Variants in AS3MT observed in about 807,000 individuals in gnomAD.
AS3MT encodes the protein arsenite methyltransferase.
In AS3MT, 47 loss-of-function variants were observed where a neutral mutation model predicts 45.3. That is an observed-to-expected ratio of 1.04 (90% CI 0.82 to 1.32). The LOEUF is 1.32. Ranked by LOEUF, AS3MT falls within the 40% of genes most tolerant of loss-of-function variation. The pLI, the probability that AS3MT is intolerant of heterozygous loss-of-function variation, is 0.00. For missense variants in AS3MT, 396 were observed against 451.1 expected (o/e 0.88, Z 1.11); for synonymous variants, 141 against 152.8 (o/e 0.92, Z 0.57).
At chr10:102,889,498 G>A (rs960834893) in intron 9 of AS3MT, among the ~76,000 whole-genome samples, 4 of 152,068 alleles carry the variant, frequency 2.6e-5, no homozygotes, top group African/African-American at 9.7e-5. Flanking sequence ...GGATGCTTAG[G>A]TTGATTCCAT....
chr10:102,874,775 A>G, intron 6 of AS3MT, 114 bp downstream of exon 6: 2 of 807,626 alleles, frequency 2.5e-6, no homozygotes, highest in East Asian at 2.7e-5. Flanking sequence ...TATCCATTAA[A>G]TGAATAAGGG....
chr10:102,879,034 C>T (rs201755295), intron 9 of AS3MT, 43 bp downstream of exon 9: 2 of 1,577,092 alleles, frequency 1.3e-6, no homozygotes, highest in South Asian at 1.2e-5. Context: ...TCTTTCTGCT[C>T]TTGCCCTTGC....
intron 10 of AS3MT, among the ~76,000 whole-genome samples, chr10:102,891,965 A>G (rs985019815): frequency 2.0e-5 from 3 of 150,886 alleles, no homozygotes; most frequent in Admixed American, 1.3e-4. Context: ...AAAAAAAAAA[A>G]AAAAAAAAAG....
chr10:102,874,066 A>G (rs1166620304), intron 5 of AS3MT, among the ~76,000 whole-genome samples: 2 of 152,146 alleles, frequency 1.3e-5, no homozygotes, highest in Admixed American at 6.5e-5. Context: ...CAGCTTGAAC[A>G]ACATGGCGAA....
intron 10 of AS3MT, among the ~76,000 whole-genome samples, chr10:102,892,247 A>G (rs935331949): frequency 6.6e-6 from 1 of 152,100 alleles, no homozygotes; most frequent in Non-Finnish European, 1.5e-5. Context: ...TTTACTTCCA[A>G]AGAAACCAGA....
At chr10:102,873,983 G>A (rs1192541667) in intron 5 of AS3MT, among the ~76,000 whole-genome samples, 1 of 152,108 alleles carries the variant, frequency 6.6e-6, no homozygotes, top group Non-Finnish European at 1.5e-5. Flanking sequence ...GGCCAGGTGC[G>A]GTGGCTCACG....
At position 102,873,124 on chromosome 10, in the gene AS3MT, T is replaced by C. The variant is rs200488263; in HGVS notation, c.349T>C (p.Tyr117His). ...QVEVAEKYLD[Y>H]HMEKYGFQAS... ...GGAAGTGGCTGAAAAGTATCTTGAC[T>C]ATCACATGGAAAAATATGGCTTCCA... Residue 117 changes from tyrosine to histidine, a missense_variant, in exon 5 of 11, where the codon TAT becomes CAT. Tyr to His is a moderately conservative substitution (Grantham distance 83). Transcript: ENST00000369880. The C allele has an allele frequency of 3.0e-4, 476 of 1,601,690 alleles. No homozygotes were observed. The highest frequency in any genetic ancestry group is 3.9e-4 in the Non-Finnish European group (462 of 1,176,908).
intron 3 of AS3MT, among the ~76,000 whole-genome samples, chr10:102,871,816 C>T (rs191205812): frequency 2.0e-5 from 3 of 152,118 alleles, no homozygotes; most frequent in Non-Finnish European, 2.9e-5. Flanking sequence ...CAATAACTAG[C>T]GCAGTCCTGG....
chr10:102,875,199 A>G (rs12764049), intron 6 of AS3MT, among the ~76,000 whole-genome samples: 37,403 of 152,016 alleles, frequency 0.25, 4,818 homozygotes, highest in East Asian at 0.43. Context: ...ATATTCAGCC[A>G]GGTGCGGTAG....
chr10:102,900,874 A>G lies in AS3MT; in HGVS notation c.*174A>G, dbSNP rs1347877802. On this transcript the variant is annotated 3_prime_UTR_variant, in exon 11 of 11. Transcript: ENST00000369880. ...CGAGGCAGGCAGATCACCTGAGGTCAGGAGTTTGATACCAGCCTGGCCAAC... is the reference window on the plus strand; with the variant it reads ...CGAGGCAGGCAGATCACCTGAGGTCGGGAGTTTGATACCAGCCTGGCCAAC... The G allele has an allele frequency of 7.9e-6, 4 of 506,304 alleles. No individual in the cohort carries two copies. Among genetic ancestry groups the G allele is most frequent in the Non-Finnish European group, 1.4e-5 (4 of 280,952 alleles). The allele number at this position is 506,304 out of a possible 1,614,324, so 31.4% of individuals were successfully genotyped here. A position where few individuals can be genotyped will look rare whatever the true frequency, so the allele number is the denominator to read the frequency against.
chr10:102,878,936 G>T lies in AS3MT; in HGVS notation c.830G>T (p.Gly277Val). 6.2e-7 allele frequency: 1 copy of T among 1,613,794 alleles called. No homozygotes were observed. The highest frequency in any genetic ancestry group is 8.5e-7 in the Non-Finnish European group (1 of 1,179,774). Residue 277 changes from glycine (G) to valine (V), a missense_variant, in exon 9 of 11, where the codon GGA (glycine) becomes GTA (valine). Coordinates refer to ENST00000369880, the MANE Select transcript of AS3MT (RefSeq NM_020682.4). ...AAGAGATGCCAAGTTATTTACAATG[G>T]AGGAATTACAGGACATGAAAAAGAA... ...PTKRCQVIYNGGITGHEKELM... is the reference protein window; with the variant it reads ...PTKRCQVIYNVGITGHEKELM...
intron 10 of AS3MT, among the ~76,000 whole-genome samples, chr10:102,891,736 C>A (rs1275124319): frequency 6.6e-6 from 1 of 151,874 alleles, no homozygotes; most frequent in Non-Finnish European, 1.5e-5. Flanking sequence ...TCACTTGAGG[C>A]CAGGAGTTTG....
At chr10:102,875,109 A>G (rs1044702776) in intron 6 of AS3MT, among the ~76,000 whole-genome samples, 35 of 152,306 alleles carry the variant, frequency 2.3e-4, no homozygotes, top group African/African-American at 6.7e-4. Flanking sequence ...TACATTAACT[A>G]CTTGCTAAAA....
intron 4 of AS3MT, 45 bp from the exon 5 acceptor site, chr10:102,873,052 T>C (rs1193088389): frequency 6.7e-7 from 1 of 1,486,824 alleles, no homozygotes. Flanking sequence ...AAAAGTTGTG[T>C]ATTTTTTTCA....
At chr10:102,893,690 G>A (rs1845114025) in intron 10 of AS3MT, among the ~76,000 whole-genome samples, 1 of 151,820 alleles carries the variant, frequency 6.6e-6, no homozygotes, top group Non-Finnish European at 1.5e-5. Context: ...TAGTAGAGAT[G>A]GGGTTTCATC....
intron 8 of AS3MT, 123 bp from the exon 9 acceptor site, chr10:102,878,726 A>G (rs927487623): frequency 1.5e-6 from 2 of 1,377,170 alleles, no homozygotes; most frequent in Non-Finnish European, 2.0e-6. Context: ...AAGTGCTCAG[A>G]AAGATAACTG....
chr10:102,876,424 T>A (rs1844785731), intron 6 of AS3MT, among the ~76,000 whole-genome samples: 1 of 151,366 alleles, frequency 6.6e-6, no homozygotes, highest in South Asian at 2.1e-4. Flanking sequence ...TCCAGGCACA[T>A]GCCACCATGC....
intron 9 of AS3MT, among the ~76,000 whole-genome samples, chr10:102,882,367 T>C (rs1390326573): frequency 1.3e-5 from 2 of 151,696 alleles, no homozygotes; most frequent in Admixed American, 1.3e-4. Flanking sequence ...TTGGTCTAAA[T>C]AGCATCTCCA....
At chr10:102,891,543 G>A (rs1317886869) in intron 10 of AS3MT, among the ~76,000 whole-genome samples, 1 of 152,190 alleles carries the variant, frequency 6.6e-6, no homozygotes. Context: ...AACTTGAAAA[G>A]AGCCTATCTG....
Sources: allele counts gnomAD v4.1 joint callset (sites outside exome capture counted in the v4.1 genomes callset), GRCh38; gene constraint gnomAD v4.1.1; transcripts MANE v1.5; gene names NCBI Gene and HGNC (gene_info 2026-07-23, HGNC 2026-07-21).